TMEM45B: variants seen among roughly 807,000 people sequenced by gnomAD.
TMEM45B encodes the protein transmembrane protein 45B.
TMEM45B carries 29 observed loss-of-function variants against 27.3 expected under a neutral mutation model. That is an observed-to-expected ratio of 1.06 (90% CI 0.79 to 1.45). The LOEUF (loss-of-function observed/expected upper bound fraction) is 1.45. Among genes scored for constraint, TMEM45B ranks in the 40% most tolerant of loss-of-function variants. The pLI is 0.00. For missense variants in TMEM45B, 348 were observed against 343.9 expected, an observed-to-expected ratio of 1.01 and a Z score of -0.09; for synonymous variants, 143 against 134.7, an observed-to-expected ratio of 1.06 and a Z score of -0.43.
intron 1 of TMEM45B, among the ~76,000 whole-genome samples, chr11:129,850,158 T>G (rs112924305): frequency 3.3e-5 from 5 of 151,716 alleles, no homozygotes; most frequent in African/African-American, 7.3e-5. Flanking sequence ...CGTTTTTTTT[T>G]TTGTTGATGT....
At chr11:129,848,506 AGAGAGG>A (rs66700369) in intron 1 of TMEM45B, among the ~76,000 whole-genome samples, 30,375 of 151,692 alleles carry the variant, frequency 0.2, 3,273 homozygotes, top group African/African-American at 0.29. Context: ...GACCGTGGAA[AGAGAGG>A]GAGAGGGAGA....
intron 2 of TMEM45B, among the ~76,000 whole-genome samples, chr11:129,853,799 G>A (rs909632742): frequency 6.6e-6 from 1 of 152,164 alleles, no homozygotes; most frequent in Non-Finnish European, 1.5e-5. Flanking sequence ...TTCAAAAAGG[G>A]TCTGGCTTGA....
Position 129,858,791 on chromosome 11 carries a change from T to A in TMEM45B, c.*106T>A. On this transcript the variant is annotated 3_prime_UTR_variant, in exon 6 of 6. Coordinates refer to ENST00000281441, the MANE Select transcript of TMEM45B (RefSeq NM_138788.5). ...TGGTCTGATCTTAAGGGTCTATATA[T>A]TTGCACCTCCTCATTCAACACAGGG... 2.7e-6 allele frequency: 2 copies of A among 751,366 alleles called. No individual in the cohort carries two copies. The highest frequency in any genetic ancestry group is 5.7e-5 in the Admixed American group (2 of 35,356). The allele number at this position is 751,366 out of a possible 1,614,324, so 46.5% of individuals were successfully genotyped here.
At position 129,829,346 on chromosome 11, in the gene TMEM45B, G is replaced by A. The variant is rs116005189; in HGVS notation, c.-9+13448G>A. Among the ~76,000 whole-genome samples the A allele has an allele frequency of 4.5e-3, 679 of 152,298 alleles. 2 individuals are homozygous for A. Among genetic ancestry groups the A allele is most frequent in the African/African-American group, 0.016 (648 of 41,568 alleles). ...CAGCCTTCCTCAGGCCCATGTGTGAGTTGGTTTCTATCCTTTCCCTGAAAC... is the reference window on the plus strand; with the variant it reads ...CAGCCTTCCTCAGGCCCATGTGTGAATTGGTTTCTATCCTTTCCCTGAAAC... On this transcript the variant is annotated intron_variant, in intron 1 of 5. Coordinates refer to ENST00000281441, the MANE Select transcript of TMEM45B (RefSeq NM_138788.5).
At chr11:129,854,359 G>C (rs760581031) in intron 2 of TMEM45B, among the ~76,000 whole-genome samples, 7 of 152,118 alleles carry the variant, frequency 4.6e-5, no homozygotes, top group Non-Finnish European at 1.0e-4. Context: ...TGTGTTCATT[G>C]ATTCTTCTAC....
chr11:129,822,129 A>C (rs2135552004), intron 1 of TMEM45B, among the ~76,000 whole-genome samples: 1 of 152,282 alleles, frequency 6.6e-6, no homozygotes, highest in African/African-American at 2.4e-5. Flanking sequence ...TTAAATGTTT[A>C]CATTCTACCA....
intron 1 of TMEM45B, among the ~76,000 whole-genome samples, chr11:129,833,265 A>T (rs1183090448): frequency 1.3e-5 from 2 of 151,784 alleles, no homozygotes; most frequent in Admixed American, 6.6e-5. Flanking sequence ...AAATAAAAAA[A>T]AAAAAAGGAA....
intron 1 of TMEM45B, among the ~76,000 whole-genome samples, chr11:129,825,023 C>T (rs185044551): frequency 2.6e-5 from 4 of 152,084 alleles, no homozygotes; most frequent in East Asian, 1.9e-4. Flanking sequence ...TGCAAGGGGA[C>T]GTGGACCCCT....
intron 1 of TMEM45B, among the ~76,000 whole-genome samples, chr11:129,847,584 T>C (rs1947780010): frequency 1.3e-5 from 2 of 150,810 alleles, no homozygotes; most frequent in East Asian, 2.0e-4. Flanking sequence ...GGAGTGGTGA[T>C]GACTCTTAAC....
chr11:129,820,657 C>T (rs566214153), intron 1 of TMEM45B, among the ~76,000 whole-genome samples: 26 of 152,268 alleles, frequency 1.7e-4, no homozygotes, highest in African/African-American at 6.3e-4. Flanking sequence ...TTGAGAAACA[C>T]CGAATGTCAG....
At chr11:129,851,012 A>T (rs745835258) in intron 1 of TMEM45B, among the ~76,000 whole-genome samples, 1 of 152,242 alleles carries the variant, frequency 6.6e-6, no homozygotes, top group Non-Finnish European at 1.5e-5. Flanking sequence ...TGTTGTGCTG[A>T]TATCACACAA....
chr11:129,840,129 T>C (rs1225675230), intron 1 of TMEM45B, among the ~76,000 whole-genome samples: 1 of 152,202 alleles, frequency 6.6e-6, no homozygotes, highest in Non-Finnish European at 1.5e-5. Flanking sequence ...ATCCTCCATC[T>C]CCTCCACGTG....
At chr11:129,830,516 G>A (rs1947535255) in intron 1 of TMEM45B, among the ~76,000 whole-genome samples, 1 of 152,160 alleles carries the variant, frequency 6.6e-6, no homozygotes, top group Non-Finnish European at 1.5e-5. Flanking sequence ...ACAAGCTTCT[G>A]TACTTCAAGG....
At chr11:129,837,178 C>G (rs1227095937) in intron 1 of TMEM45B, among the ~76,000 whole-genome samples, 2 of 152,122 alleles carry the variant, frequency 1.3e-5, no homozygotes, top group East Asian at 3.9e-4. Flanking sequence ...CCACTTACTC[C>G]CTCTTACAGC....
At position 129,827,696 on chromosome 11, in the gene TMEM45B, G is replaced by T. The variant is rs537678467; in HGVS notation, c.-9+11798G>T. On this transcript the variant is annotated intron_variant, in intron 1 of 5. Coordinates refer to ENST00000281441, the MANE Select transcript of TMEM45B (RefSeq NM_138788.5). Reference sequence around the variant, plus strand: ...TGCGTGCCTGTAATCCCAGCTACTCGAGAGGCTGAGACAGGAGAATAGCTT... The same window carrying T: ...TGCGTGCCTGTAATCCCAGCTACTCTAGAGGCTGAGACAGGAGAATAGCTT... Among the ~76,000 whole-genome samples the T allele has an allele frequency of 4.6e-5, 7 of 152,130 alleles. No homozygotes were observed. The East Asian group carries it at 1.4e-3, about 29-fold the overall frequency.
intron 1 of TMEM45B, among the ~76,000 whole-genome samples, chr11:129,820,985 C>T (rs1016859307): frequency 2.6e-5 from 4 of 152,036 alleles, no homozygotes; most frequent in African/African-American, 7.2e-5. Flanking sequence ...ATGAGGGTTT[C>T]GCTCCTTTAC....
chr11:129,820,029 T>C (rs570097205), intron 1 of TMEM45B, among the ~76,000 whole-genome samples: 2 of 152,116 alleles, frequency 1.3e-5, no homozygotes, highest in African/African-American at 4.8e-5. Flanking sequence ...AATAAGAATT[T>C]TGGGCCAGAC....
intron 1 of TMEM45B, among the ~76,000 whole-genome samples, chr11:129,816,949 T>G (rs1377168409): frequency 2.0e-5 from 3 of 150,824 alleles, no homozygotes; most frequent in Non-Finnish European, 3.0e-5. Context: ...GGTTTCACCG[T>G]GTTAGCCAGG....
At position 129,817,127 on chromosome 11, in the gene TMEM45B, C is replaced by T. The variant is rs1284201360; in HGVS notation, c.-9+1229C>T. ...TTCCTCCTCCTGCACCTTTTTGTCT[C>T]CTAGGGTCGCATAGCCTTCCAAACA... On this transcript the variant is annotated intron_variant, in intron 1 of 5. Coordinates refer to ENST00000281441, the MANE Select transcript of TMEM45B (RefSeq NM_138788.5). Among the ~76,000 whole-genome samples, 8 of 152,168 alleles carry T rather than the reference C, an allele frequency of 5.3e-5. No homozygotes were observed. The East Asian group carries it at 1.2e-3, about 22-fold the overall frequency.
Sources: allele counts gnomAD v4.1 joint callset (sites outside exome capture counted in the v4.1 genomes callset), GRCh38; gene constraint gnomAD v4.1.1; transcripts MANE v1.5; gene names NCBI Gene and HGNC (gene_info 2026-07-23, HGNC 2026-07-21).